The following SEPTIN7 variants were observed in gnomAD, a reference collection of about 807,000 sequenced individuals.
SEPTIN7 encodes septin-7.
Under a neutral mutation model 63.3 loss-of-function variants are expected in SEPTIN7, and 10 were observed. The observed-to-expected ratio is 0.16, with a 90% CI of 0.10 to 0.27. The LOEUF is 0.27. Ranked by LOEUF, SEPTIN7 falls within the 10% of genes least tolerant of loss-of-function variation. The pLI is 1.00. For synonymous variants in SEPTIN7, 131 were observed against 165.3 expected (o/e 0.79, Z 1.59); for missense variants, 310 against 521.0 (o/e 0.59, Z 3.94).
intron 1 of SEPTIN7, among the ~76,000 whole-genome samples, chr7:35,819,166 C>T (rs1789262294): frequency 6.6e-6 from 1 of 152,018 alleles, no homozygotes; most frequent in East Asian, 1.9e-4. Flanking sequence ...TCATTCATCT[C>T]AAAGTATTTT....
At chr7:35,886,270 T>C (rs906801126) in intron 10 of SEPTIN7, among the ~76,000 whole-genome samples, 1 of 152,216 alleles carries the variant, frequency 6.6e-6, no homozygotes. Flanking sequence ...CACAGCCTGG[T>C]AGCTGGTGAG....
At chr7:35,892,091 A>G (rs1478593468) in intron 11 of SEPTIN7, among the ~76,000 whole-genome samples, 4 of 152,200 alleles carry the variant, frequency 2.6e-5, no homozygotes, top group East Asian at 1.9e-4. Flanking sequence ...TATGCAGTAC[A>G]TAGCTATATT....
chr7:35,835,162 A>G (rs977557946), intron 3 of SEPTIN7, among the ~76,000 whole-genome samples: 10 of 152,204 alleles, frequency 6.6e-5, no homozygotes, highest in Admixed American at 3.9e-4. Context: ...ATGAGTCAGT[A>G]GAATCATACA....
chr7:35,850,188 A>G (rs750317406), intron 3 of SEPTIN7, among the ~76,000 whole-genome samples: 1 of 152,156 alleles, frequency 6.6e-6, no homozygotes, highest in Non-Finnish European at 1.5e-5. Flanking sequence ...ACTAATATGT[A>G]TTTTGGTTAA....
intron 10 of SEPTIN7, among the ~76,000 whole-genome samples, chr7:35,887,785 C>T (rs955818900): frequency 6.6e-6 from 1 of 152,134 alleles, no homozygotes; most frequent in Non-Finnish European, 1.5e-5. Context: ...ACTTTTATGC[C>T]TAAAAATTCT....
rs766365156 is a variant in SEPTIN7 at position 35,808,355 on chromosome 7, A to T, written c.61+7085A>T. ...TGCCCCCACCCTTGGTAGCATTAAG[A>T]CACATTATTTCCCACATGTTTTTTT... On this transcript the variant is annotated intron_variant, in intron 1 of 13. Transcript: ENST00000350320. 4.7e-4 allele frequency among the ~76,000 whole-genome samples: 72 copies of T among 152,154 alleles called. 1 individual carries two copies. Among genetic ancestry groups the T allele is most frequent in the Non-Finnish European group, 1.3e-4 (9 of 68,020 alleles).
intron 1 of SEPTIN7, among the ~76,000 whole-genome samples, chr7:35,806,056 C>G (rs1788317671): frequency 6.6e-6 from 1 of 152,164 alleles, no homozygotes; most frequent in South Asian, 2.1e-4. Flanking sequence ...CATGCTCTCT[C>G]TGGTTGTGAA....
At chr7:35,876,295 A>C (rs1786469404) in intron 6 of SEPTIN7, among the ~76,000 whole-genome samples, 1 of 152,194 alleles carries the variant, frequency 6.6e-6, no homozygotes, top group South Asian at 2.1e-4. Context: ...AGTTTATATT[A>C]AATGCCCTTA....
rs1786290853 is a variant in SEPTIN7, at chr7:35,873,580, ACAGTCAT to A, written c.378-56_378-50del. 3.3e-6 allele frequency: 5 copies of A among 1,526,884 alleles called. No individual in the cohort carries two copies. In the South Asian group the frequency reaches 6.3e-5, roughly 19 times the overall value. 94.6% of individuals were successfully genotyped at this position (1,526,884 alleles called of 1,614,324 possible). On this transcript the variant is annotated intron_variant, in intron 5 of 13. Transcript: ENST00000350320. Reference sequence around the variant, plus strand: ...TGAAAATACTGATTATTGTCCTTTAACAGTCATCAGTTAATTCATATGTAGAATTGCA... The same window carrying A: ...TGAAAATACTGATTATTGTCCTTTAACAGTTAATTCATATGTAGAATTGCA...
chr7:35,865,471 T>A lies in SEPTIN7; in HGVS notation c.276+1813T>A, dbSNP rs77622189. Among the ~76,000 whole-genome samples the A allele has an allele frequency of 6.3e-3, 957 of 152,288 alleles. 7 individuals are homozygous for A. The highest frequency in any genetic ancestry group is 0.022 in the African/African-American group (915 of 41,550). ...TTACTCATGTTGGGTGTAGTTCTTT[T>A]TCATCGTCATCGTATGCTACTCCAT... On this transcript the variant is annotated intron_variant, in intron 4 of 13. Coordinates refer to ENST00000350320, the MANE Select transcript of SEPTIN7 (RefSeq NM_001788.6).
intron 3 of SEPTIN7, among the ~76,000 whole-genome samples, chr7:35,838,128 G>A (rs997155684): frequency 6.6e-6 from 1 of 151,796 alleles, no homozygotes. Flanking sequence ...AGGTAGGTAG[G>A]TACTCTGAGG....
intron 3 of SEPTIN7, among the ~76,000 whole-genome samples, chr7:35,849,509 G>A (rs1784851532): frequency 6.6e-6 from 1 of 152,184 alleles, no homozygotes; most frequent in Non-Finnish European, 1.5e-5. Context: ...CTCCTGCTGT[G>A]TGGCCTGGTT....
At chr7:35,889,700 C>A (rs533399995) in intron 10 of SEPTIN7, among the ~76,000 whole-genome samples, 2 of 152,196 alleles carry the variant, frequency 1.3e-5, no homozygotes, top group East Asian at 1.9e-4. Context: ...CTTGCCACCA[C>A]GCCCAACTGA....
intron 12 of SEPTIN7, chr7:35,899,424 A>C (rs1788166684): frequency 6.6e-6 from 1 of 152,466 alleles, no homozygotes; most frequent in South Asian, 2.1e-4. Context: ...AATCCCAGCT[A>C]CTTGGGAGGC....
At chr7:35,898,074 AT>A (rs746165844) in intron 11 of SEPTIN7, 173 bp from the exon 12 acceptor site, 32 of 468,366 alleles carry the variant, frequency 6.8e-5, no homozygotes, top group Non-Finnish European at 1.1e-4. Context: ...TGTTTTTTAG[AT>A]TTTTTTCATA....
chr7:35,834,739 T>C (rs1783997879), intron 3 of SEPTIN7, among the ~76,000 whole-genome samples: 1 of 152,202 alleles, frequency 6.6e-6, no homozygotes, highest in South Asian at 2.1e-4. Context: ...TAGTATCTAA[T>C]ATGTTGATTT....
intron 2 of SEPTIN7, chr7:35,832,042 A>G (rs1246723590): frequency 6.7e-6 from 3 of 448,602 alleles, no homozygotes; most frequent in Non-Finnish European, 1.3e-5. Flanking sequence ...TGGGTAAGTT[A>G]GAAGTCAGAC....
chr7:35,858,687 T>C (rs1179557936), intron 3 of SEPTIN7, among the ~76,000 whole-genome samples: 6 of 148,498 alleles, frequency 4.0e-5, no homozygotes, highest in African/African-American at 7.4e-5. Context: ...TTTTCTTTTT[T>C]TTTTTTTTTT....
At chr7:35,819,058 G>A (rs1041251458) in intron 1 of SEPTIN7, among the ~76,000 whole-genome samples, 13 of 151,934 alleles carry the variant, frequency 8.6e-5, no homozygotes, top group Non-Finnish European at 5.9e-5. Flanking sequence ...TATGATGTGA[G>A]ATCTTTCTTT....
Sources: gnomAD v4.1 joint callset for allele counts (sites outside exome capture counted in the v4.1 genomes callset) on GRCh38, gnomAD v4.1.1 for gene constraint, MANE v1.5 for transcripts, NCBI Gene and HGNC (gene_info 2026-07-23, HGNC 2026-07-21) for gene names.